Variants in COL8A1 observed in about 807,000 individuals in gnomAD.
COL8A1 encodes the protein collagen type VIII alpha 1 chain.
A neutral mutation model predicts 42.7 loss-of-function variants in COL8A1; 21 were observed. That is an observed-to-expected ratio of 0.49 (90% CI 0.35 to 0.71). The LOEUF (loss-of-function observed/expected upper bound fraction) is 0.71, where lower values mean the gene tolerates loss of function less well. Among genes scored for constraint, COL8A1 ranks in the 30% least tolerant of loss-of-function variants. COL8A1 has a pLI of 0.01. For synonymous variants in COL8A1, 367 were observed against 369.1 expected (o/e 0.99, Z 0.06); for missense variants, 788 against 962.4 (o/e 0.82, Z 2.40).
At position 99,794,921 on chromosome 3, in the gene COL8A1, G is replaced by C; in HGVS notation, c.1020G>C (p.Gly340=). The C allele has an allele frequency of 6.3e-7, 1 of 1,598,008 alleles. No individual in the cohort carries two copies. The highest frequency in any genetic ancestry group is 8.5e-7 in the Non-Finnish European group (1 of 1,172,604). ...GCAAAGGGGAGCAAGGACTGCCAGG[G>C]CTACCAGGACCCCCAGGCCTTCCAG... ...PGGKGEQGLP[G]LPGPPGLPGI... is the part of the protein sequence containing the mutation. The change falls in exon 4 of 4, where the codon GGG becomes GGC. Residue 340 remains glycine (G), a synonymous_variant. Transcript: ENST00000652472. The surrounding 1 kb of genome is among the most constrained non-coding windows in gnomAD (Gnocchi z 4.3).
At chr3:99,754,773 A>C (rs1342310435) in intron 2 of COL8A1, among the ~76,000 whole-genome samples, 1 of 152,186 alleles carries the variant, frequency 6.6e-6, no homozygotes, top group African/African-American at 2.4e-5. Context: ...TTTAAAAACC[A>C]GGTCCCTGAT....
chr3:99,711,101 C>G (rs1396223128), intron 1 of COL8A1, among the ~76,000 whole-genome samples: 1 of 127,960 alleles, frequency 7.8e-6, no homozygotes, highest in Admixed American at 7.8e-5. Flanking sequence ...TGTGACAATT[C>G]CAAGACTATT....
intron 2 of COL8A1, among the ~76,000 whole-genome samples, chr3:99,774,264 A>T (rs567793084): frequency 6.6e-6 from 1 of 151,610 alleles, no homozygotes; most frequent in East Asian, 1.9e-4. Flanking sequence ...TCCTCTAAAA[A>T]AATCCAGAAT....
Position 99,795,489 on chromosome 3 carries a change from C to T in COL8A1, c.1588C>T (p.Pro530Ser), listed in dbSNP as rs952467607. The T allele has an allele frequency of 1.3e-6, 2 of 1,563,920 alleles. No individual in the cohort carries two copies. The highest frequency in any genetic ancestry group is 2.7e-5 in the African/African-American group (2 of 73,206). The change falls in exon 4 of 4, where the codon CCT becomes TCT. Residue 530 changes from proline to serine, a missense_variant. By Grantham distance (74) the Pro-to-Ser change is moderately conservative. Around this residue, in one of 4 missense-constraint regions of COL8A1, gnomAD observed 154 missense variants for 182.3 expected, o/e 0.84. Coordinates refer to ENST00000652472, the MANE Select transcript of COL8A1 (RefSeq NM_020351.4). The part of the protein sequence containing the change: ...EPGLPGPPGF[P>S]GIGKPGVAGL... The stretch of plus-strand genomic sequence containing the variant: ...GGGCCTCCCAGGGCCCCCTGGGTTC[C>T]CTGGTATAGGGAAACCCGGAGTGGC...
intron 2 of COL8A1, among the ~76,000 whole-genome samples, chr3:99,780,734 T>A (rs544770705): frequency 6.6e-6 from 1 of 152,354 alleles, no homozygotes; most frequent in Non-Finnish European, 1.5e-5. Flanking sequence ...AGACCTGGCA[T>A]CTGTTACATA....
intron 1 of COL8A1, among the ~76,000 whole-genome samples, chr3:99,690,841 C>T (rs1397136444): frequency 6.6e-6 from 1 of 152,216 alleles, no homozygotes; most frequent in Non-Finnish European, 1.5e-5. Context: ...CTCTGACTTC[C>T]TCTCTGTGCA....
intron 2 of COL8A1, among the ~76,000 whole-genome samples, chr3:99,789,342 G>T (rs959076279): frequency 3.3e-5 from 5 of 152,144 alleles, no homozygotes; most frequent in African/African-American, 1.2e-4. Flanking sequence ...AAGTTTTCCA[G>T]AAGATACTTA....
At chr3:99,696,841 C>T (rs908115408) in intron 1 of COL8A1, among the ~76,000 whole-genome samples, 6 of 152,132 alleles carry the variant, frequency 3.9e-5, no homozygotes, top group East Asian at 1.9e-4. Flanking sequence ...TAGGTATAAC[C>T]GATTCAGCTC....
intron 2 of COL8A1, among the ~76,000 whole-genome samples, chr3:99,782,574 T>G (rs908972852): frequency 1.2e-4 from 18 of 152,078 alleles, no homozygotes; most frequent in South Asian, 2.1e-4. Flanking sequence ...GTATTTTTAG[T>G]AGAGACAGGG....
At chr3:99,782,639 G>A (rs554012208) in intron 2 of COL8A1, among the ~76,000 whole-genome samples, 31 of 152,226 alleles carry the variant, frequency 2.0e-4, no homozygotes, top group South Asian at 1.0e-3. Context: ...TGATCCGCCC[G>A]CCTCAGCCTC....
Position 99,791,022 on chromosome 3 carries a change from C to T in COL8A1, c.328+12C>T. On this transcript the variant is annotated intron_variant, in intron 3 of 3. Transcript: ENST00000652472. ...CAAGAAAGGCAAAGGTAACATCATA[C>T]TCCCAGGCTGTTATAAAACAACAGC... 6.3e-7 allele frequency: 1 copy of T among 1,596,282 alleles called. No individual in the cohort carries two copies. Among genetic ancestry groups the T allele is most frequent in the East Asian group, 2.2e-5 (1 of 44,538 alleles).
At chr3:99,772,381 C>A (rs889418459) in intron 2 of COL8A1, among the ~76,000 whole-genome samples, 4 of 152,142 alleles carry the variant, frequency 2.6e-5, no homozygotes, top group African/African-American at 9.7e-5. Context: ...CAGTACAATA[C>A]ATGTCATTAT....
At chr3:99,703,556 T>A (rs1223663880) in intron 1 of COL8A1, 1 of 152,256 alleles carries the variant, frequency 6.6e-6, no homozygotes, top group Non-Finnish European at 1.5e-5. Flanking sequence ...CAGACCATGT[T>A]GCACTTTGTA....
chr3:99,787,855 A>AATAC (rs1559636377), intron 2 of COL8A1, among the ~76,000 whole-genome samples: 1 of 60,806 alleles, frequency 1.6e-5, no homozygotes, highest in African/African-American at 8.9e-5. Flanking sequence ...CAAGAACACA[A>AATAC]ATACACACAC....
intron 1 of COL8A1, chr3:99,679,451 G>A (rs928793796): frequency 6.6e-6 from 1 of 152,168 alleles, no homozygotes; most frequent in Admixed American, 6.5e-5. Flanking sequence ...GTTGTGGAAA[G>A]TCTCCCTCTG....
chr3:99,770,195 G>A (rs1941551168), intron 2 of COL8A1, among the ~76,000 whole-genome samples: 3 of 152,096 alleles, frequency 2.0e-5, no homozygotes, highest in South Asian at 2.1e-4. Context: ...CTGGGTATAG[G>A]GCAGGACATG....
intron 1 of COL8A1, among the ~76,000 whole-genome samples, chr3:99,720,954 G>A (rs1940132838): frequency 6.6e-6 from 1 of 152,038 alleles, no homozygotes; most frequent in Non-Finnish European, 1.5e-5. Flanking sequence ...TTCCCTCAGT[G>A]CTTTGTTGAT....
At chr3:99,737,765 G>T (rs1020941326) in intron 1 of COL8A1, among the ~76,000 whole-genome samples, 1 of 151,948 alleles carries the variant, frequency 6.6e-6, no homozygotes, top group Non-Finnish European at 1.5e-5. Flanking sequence ...GAATCTGAAC[G>T]TTGGCCTGCC....
intron 2 of COL8A1, among the ~76,000 whole-genome samples, chr3:99,785,670 T>G (rs933873859): frequency 6.6e-6 from 1 of 152,104 alleles, no homozygotes; most frequent in African/African-American, 2.4e-5. Context: ...GTCACTAGGG[T>G]GACCAGTGTG....
Sources: gnomAD v4.1 joint callset for allele counts (sites outside exome capture counted in the v4.1 genomes callset) on GRCh38, gnomAD v4.1.1 for gene constraint, gnomAD v4.1.1 regional missense constraint, Gnocchi (gnomAD v3.1) non-coding constraint, MANE v1.5 for transcripts, NCBI Gene and HGNC (gene_info 2026-07-23, HGNC 2026-07-21) for gene names.